PCDH7: variants seen among roughly 807,000 people sequenced by gnomAD.
PCDH7 encodes the protein protocadherin-7.
PCDH7 carries 17 observed loss-of-function variants against 58.9 expected under a neutral mutation model. That is an observed-to-expected ratio of 0.29 (90% CI 0.20 to 0.43). The LOEUF (loss-of-function observed/expected upper bound fraction) is 0.43, where lower values mean the gene tolerates loss of function less well. Among genes scored for constraint, PCDH7 ranks in the 20% least tolerant of loss-of-function variants. PCDH7 has a pLI of 1.00. For synonymous variants in PCDH7, 664 were observed against 616.4 expected (o/e 1.08, Z -1.14); for missense variants, 1,274 against 1,441.0 (o/e 0.88, Z 1.88).
rs1378610683 is a variant in PCDH7, at chr4:30,974,174, CTCTT to C, written c.*7+23971_*7+23974del. On this transcript the variant is annotated intron_variant, in intron 3 of 3. Transcript: ENST00000509759. ...TTTCTTTCTTTCTTTCTTTCTTTTT[CTCTT>C]TCTTTCTTTCTCTTTCTCTTTCCCT... 8.3e-5 allele frequency among the ~76,000 whole-genome samples: 12 copies of C among 144,454 alleles called. 1 individual carries two copies. The East Asian group carries it at 1.9e-3, about 22-fold the overall frequency. 94.8% of individuals were successfully genotyped at this position (144,454 alleles called of 152,430 possible).
At chr4:30,956,028 C>CA (rs1432235239) in intron 3 of PCDH7, among the ~76,000 whole-genome samples, 2 of 133,974 alleles carry the variant, frequency 1.5e-5, no homozygotes, top group African/African-American at 2.8e-5. Context: ...ACTGAAAATA[C>CA]AAAAACAAAC....
chr4:31,046,856 T>A (rs935234171), intron 3 of PCDH7, among the ~76,000 whole-genome samples: 9 of 152,160 alleles, frequency 5.9e-5, no homozygotes, highest in African/African-American at 2.2e-4. Flanking sequence ...TTAGTTATAA[T>A]TTTCAGTTTG....
chr4:31,128,585 C>G (rs1718596343), intron 3 of PCDH7, among the ~76,000 whole-genome samples: 1 of 152,280 alleles, frequency 6.6e-6, no homozygotes, highest in Middle Eastern at 3.4e-3. Flanking sequence ...TAACTGCCAA[C>G]TAGAAGTCGT....
chr4:31,097,611 T>TATATATATATATAG (rs1560221696), intron 3 of PCDH7, among the ~76,000 whole-genome samples: 2 of 33,518 alleles, frequency 6.0e-5, no homozygotes, highest in East Asian at 8.3e-3. Context: ...TATATATATA[T>TATATATATATATAG]ATATATATAT....
intron 3 of PCDH7, among the ~76,000 whole-genome samples, chr4:30,950,789 A>C (rs1016899015): frequency 6.6e-6 from 1 of 152,122 alleles, no homozygotes; most frequent in Non-Finnish European, 1.5e-5. Context: ...TCTTTCGTCA[A>C]CTCAGCTGGT....
chr4:30,946,866 T>C (rs9291555), intron 2 of PCDH7, among the ~76,000 whole-genome samples: 152,097 of 152,134 alleles, frequency 1, 76,030 homozygotes, highest in Middle Eastern at 1. Flanking sequence ...CCCACCACCA[T>C]GCTTGGATAA....
chr4:30,880,796 T>C (rs888110596), intron 1 of PCDH7, among the ~76,000 whole-genome samples: 1 of 152,168 alleles, frequency 6.6e-6, no homozygotes, highest in African/African-American at 2.4e-5. Flanking sequence ...AAGTGAATTA[T>C]GGTAAACCAA....
At chr4:31,001,339 A>G (rs1162061230) in intron 3 of PCDH7, among the ~76,000 whole-genome samples, 1 of 152,164 alleles carries the variant, frequency 6.6e-6, no homozygotes, top group East Asian at 1.9e-4. Flanking sequence ...TTAAATAAAT[A>G]TTAGTTAAAA....
chr4:30,957,572 T>C (rs1747985522), intron 3 of PCDH7, among the ~76,000 whole-genome samples: 1 of 152,124 alleles, frequency 6.6e-6, no homozygotes, highest in Admixed American at 6.6e-5. Flanking sequence ...GGAGCAAAAA[T>C]TGACATTGGG....
downstream of PCDH7, chr4:31,146,051 C>T (rs937984819): frequency 6.6e-6 from 1 of 152,012 alleles, no homozygotes; most frequent in African/African-American, 2.4e-5. Context: ...AAATCTACTG[C>T]TCTTTCTGAA....
chr4:30,832,060 C>G (rs1430239703), intron 1 of PCDH7, among the ~76,000 whole-genome samples: 1 of 152,136 alleles, frequency 6.6e-6, no homozygotes, highest in African/African-American at 2.4e-5. Flanking sequence ...TCATACATGA[C>G]TCAATGAGAT....
At chr4:31,011,143 T>G (rs567418771) in intron 3 of PCDH7, among the ~76,000 whole-genome samples, 10 of 152,112 alleles carry the variant, frequency 6.6e-5, no homozygotes, top group African/African-American at 2.4e-4. Flanking sequence ...CAGTAGGTTC[T>G]ATAGACAAGG....
chr4:30,721,691 G>T lies in PCDH7; in HGVS notation c.269G>T (p.Arg90Leu). The T allele has an allele frequency of 5.0e-6, 8 of 1,614,008 alleles. No individual in the cohort carries two copies. The highest frequency in any genetic ancestry group is 6.8e-6 in the Non-Finnish European group (8 of 1,180,002). ...GGCGAGCTGAGCACGAGCGAGCGGCGCATCGACCGCGAGAAGCTGCCCCAG... is the reference window on the plus strand; with the variant it reads ...GGCGAGCTGAGCACGAGCGAGCGGCTCATCGACCGCGAGAAGCTGCCCCAG... The change falls in exon 1 of 2, where the codon CGC becomes CTC. Residue 90 changes from arginine to leucine, a missense_variant. Transcript: ENST00000361762. This position sits in a 1 kb window ranked among gnomAD's most constrained non-coding sequence, Gnocchi z 6.7.
chr4:31,027,416 ATATTTTATTT>A (rs368335116), intron 3 of PCDH7, among the ~76,000 whole-genome samples: 1 of 151,880 alleles, frequency 6.6e-6, no homozygotes, highest in South Asian at 2.1e-4. Flanking sequence ...GTATGTTATT[ATATTTTATTT>A]TATTTTATTT....
intron 1 of PCDH7, among the ~76,000 whole-genome samples, chr4:30,889,737 G>T (rs1390760550): frequency 6.6e-6 from 1 of 152,054 alleles, no homozygotes; most frequent in East Asian, 1.9e-4. Context: ...CGGCTCCCTT[G>T]TGCCTCTTTT....
chr4:31,077,696 G>T (rs766867872), intron 3 of PCDH7, among the ~76,000 whole-genome samples: 29 of 152,100 alleles, frequency 1.9e-4, no homozygotes, highest in Non-Finnish European at 3.5e-4. Flanking sequence ...TAGGATAGGT[G>T]CATTTCACCC....
intron 1 of PCDH7, among the ~76,000 whole-genome samples, chr4:30,768,576 T>C (rs371822293): frequency 6.6e-6 from 1 of 152,178 alleles, no homozygotes; most frequent in Non-Finnish European, 1.5e-5. Context: ...TTAATAAATA[T>C]TGTAACTTAG....
intron 1 of PCDH7, among the ~76,000 whole-genome samples, chr4:30,725,633 C>T (rs1027711288): frequency 6.6e-6 from 1 of 152,104 alleles, no homozygotes; most frequent in African/African-American, 2.4e-5. Flanking sequence ...GACTGTGTCT[C>T]ATGGTACAGC....
At chr4:31,051,144 A>G (rs73216802) in intron 3 of PCDH7, among the ~76,000 whole-genome samples, 10,123 of 152,168 alleles carry the variant, frequency 0.067, 467 homozygotes, top group Middle Eastern at 0.12. Flanking sequence ...TCTTTGTTTA[A>G]GGTCTTCCTT....
Sources: gnomAD v4.1 joint callset for allele counts (sites outside exome capture counted in the v4.1 genomes callset) on GRCh38, gnomAD v4.1.1 for gene constraint, Gnocchi (gnomAD v3.1) non-coding constraint, MANE v1.5 for transcripts, NCBI Gene and HGNC (gene_info 2026-07-23, HGNC 2026-07-21) for gene names.